ASIC2: variants seen among roughly 807,000 people sequenced by gnomAD.
The protein encoded by ASIC2 is acid sensing ion channel subunit 2, also known as acid-sensing ion channel 2.
ASIC2 carries 25 observed loss-of-function variants against 57.3 expected under a neutral mutation model. The observed-to-expected ratio is 0.44, with a 90% CI of 0.32 to 0.61. ASIC2 has a LOEUF of 0.61. ASIC2 is among the 20% of genes least tolerant of loss of function. The probability of loss-of-function intolerance (pLI) is 0.06; values close to 1 mark genes in which losing one functional copy is unlikely to be tolerated. For missense variants in ASIC2, 641 were observed against 738.1 expected, an observed-to-expected ratio of 0.87 and a Z score of 1.52; for synonymous variants, 319 against 307.5, an observed-to-expected ratio of 1.04 and a Z score of -0.39.
At chr17:33,351,849 T>C (rs947649668) in intron 1 of ASIC2, among the ~76,000 whole-genome samples, 1 of 152,168 alleles carries the variant, frequency 6.6e-6, no homozygotes, top group African/African-American at 2.4e-5. Flanking sequence ...AGATGTGGCA[T>C]GGAGTGCTGG....
chr17:34,093,205 C>A (rs1022598081), intron 1 of ASIC2, among the ~76,000 whole-genome samples: 7 of 152,148 alleles, frequency 4.6e-5, no homozygotes, highest in Non-Finnish European at 8.8e-5. Context: ...GGAGATAATG[C>A]CTTTTGCCCC....
At chr17:33,818,675 A>G (rs776135774) in intron 1 of ASIC2, among the ~76,000 whole-genome samples, 1 of 152,230 alleles carries the variant, frequency 6.6e-6, no homozygotes, top group Non-Finnish European at 1.5e-5. Flanking sequence ...CTGCCCCCAC[A>G]ACAAAGAATT....
chr17:33,625,315 A>G (rs1905951218), intron 1 of ASIC2, among the ~76,000 whole-genome samples: 1 of 152,198 alleles, frequency 6.6e-6, no homozygotes, highest in South Asian at 2.1e-4. Context: ...CAGGCAGCCT[A>G]TAAAGAGGAC....
chr17:33,214,271 C>T (rs918969698), intron 1 of ASIC2, among the ~76,000 whole-genome samples: 1 of 152,162 alleles, frequency 6.6e-6, no homozygotes, highest in African/African-American at 2.4e-5. Flanking sequence ...CACCCTCTTA[C>T]TTGTACCCTT....
At chr17:33,112,279 C>T in intron 1 of ASIC2, 1 of 587,710 alleles carries the variant, frequency 1.7e-6, no homozygotes, top group South Asian at 2.2e-5. Context: ...ATCTGGATGC[C>T]CTTTGGGGTT....
chr17:34,117,412 A>C (rs7221159), intron 1 of ASIC2, among the ~76,000 whole-genome samples: 4 of 152,054 alleles, frequency 2.6e-5, no homozygotes, highest in Non-Finnish European at 5.9e-5. Flanking sequence ...AGTTTCCCCA[A>C]TGTTGAAATG....
chr17:33,636,376 G>A (rs542263746), intron 1 of ASIC2, among the ~76,000 whole-genome samples: 2 of 152,216 alleles, frequency 1.3e-5, no homozygotes, highest in Non-Finnish European at 2.9e-5. Flanking sequence ...GTGCCTTAGG[G>A]GGAAGAAGGC....
intron 1 of ASIC2, among the ~76,000 whole-genome samples, chr17:34,019,847 G>A (rs1264294565): frequency 6.6e-6 from 1 of 152,228 alleles, no homozygotes; most frequent in Non-Finnish European, 1.5e-5. Context: ...GCTTGCTCAA[G>A]TGGCTGCATT....
intron 1 of ASIC2, among the ~76,000 whole-genome samples, chr17:33,236,584 G>A (rs780470366): frequency 2.0e-5 from 3 of 151,946 alleles, no homozygotes; most frequent in Non-Finnish European, 4.4e-5. Flanking sequence ...CAAGTGATCC[G>A]CCTGCCTCAG....
intron 1 of ASIC2, among the ~76,000 whole-genome samples, chr17:33,175,769 C>A (rs1054537448): frequency 6.6e-6 from 1 of 152,178 alleles, no homozygotes; most frequent in African/African-American, 2.4e-5. Flanking sequence ...CTTCCCATCT[C>A]TTCCCCGGGA....
In ASIC2 at chr17:34,156,536, G is replaced by A. The variant is rs1428777654; in HGVS notation, c.-4C>T. On this transcript the variant is annotated 5_prime_UTR_variant, in exon 1 of 10. Transcript: ENST00000359872. The surrounding 1 kb of genome is among the most constrained non-coding windows in gnomAD (Gnocchi z 4.4). ...TGGGGCTTTCCTTGAGGTCCATCGG[G>A]ACCCCGTGCAGTTCCGCAACTGGCT... is the stretch of plus-strand genomic sequence containing the variant. The A allele has an allele frequency of 4.4e-6, 7 of 1,580,826 alleles. No homozygotes were observed. The highest frequency in any genetic ancestry group is 1.3e-5 in the African/African-American group (1 of 74,268).
At chr17:33,853,717 A>T (rs1913838630) in intron 1 of ASIC2, among the ~76,000 whole-genome samples, 1 of 152,238 alleles carries the variant, frequency 6.6e-6, no homozygotes, top group African/African-American at 2.4e-5. Flanking sequence ...CTCCAAGGGC[A>T]GAACTCACCC....
At chr17:33,636,374 G>A (rs932377007) in intron 1 of ASIC2, among the ~76,000 whole-genome samples, 23 of 152,236 alleles carry the variant, frequency 1.5e-4, no homozygotes, top group African/African-American at 5.3e-4. Context: ...ACGTGCCTTA[G>A]GGGGAAGAAG....
intron 1 of ASIC2, among the ~76,000 whole-genome samples, chr17:33,305,575 A>G (rs958304659): frequency 2.0e-5 from 3 of 152,258 alleles, no homozygotes; most frequent in Admixed American, 6.5e-5. Context: ...AAATGATGTC[A>G]TTTAATGTTG....
intron 1 of ASIC2, among the ~76,000 whole-genome samples, chr17:34,099,754 GAAAGAAA>G: frequency 8.8e-5 from 1 of 11,388 alleles, no homozygotes; most frequent in Non-Finnish European, 2.3e-4. Flanking sequence ...AAGAAAGAAA[GAAAGAAA>G]GAAAGAAAGA....
chr17:33,575,005 A>G (rs1171345761), intron 1 of ASIC2, among the ~76,000 whole-genome samples: 1 of 152,174 alleles, frequency 6.6e-6, no homozygotes, highest in African/African-American at 2.4e-5. Context: ...GCAGAGTGGA[A>G]AGAAGGTGGC....
intron 1 of ASIC2, among the ~76,000 whole-genome samples, chr17:33,288,015 T>C (rs1419637929): frequency 6.6e-6 from 1 of 152,140 alleles, no homozygotes; most frequent in Non-Finnish European, 1.5e-5. Context: ...GGGTACCTGA[T>C]GGAGGTATGC....
chr17:34,083,824 C>T (rs141856221), intron 1 of ASIC2, among the ~76,000 whole-genome samples: 3,041 of 152,208 alleles, frequency 0.02, 78 homozygotes, highest in East Asian at 0.059. Context: ...TGTCTTCTTT[C>T]GAGAAGTGTC....
At chr17:34,054,218 T>G (rs1315011415) in intron 1 of ASIC2, among the ~76,000 whole-genome samples, 3 of 152,268 alleles carry the variant, frequency 2.0e-5, no homozygotes, top group Non-Finnish European at 4.4e-5. Context: ...TAATCAGTGT[T>G]TTCATTACAT....
Sources: gnomAD v4.1 joint callset for allele counts (sites outside exome capture counted in the v4.1 genomes callset) on GRCh38, gnomAD v4.1.1 for gene constraint, Gnocchi (gnomAD v3.1) non-coding constraint, MANE v1.5 for transcripts, NCBI Gene and HGNC (gene_info 2026-07-23, HGNC 2026-07-21) for gene names.